The following PCDH11X variants were observed in gnomAD, a reference collection of about 807,000 sequenced individuals.
PCDH11X encodes the protein protocadherin-11 X-linked.
In PCDH11X, 18 loss-of-function variants were observed where a neutral mutation model predicts 53.3. The observed-to-expected ratio is 0.34, with a 90% CI of 0.23 to 0.50. The LOEUF is 0.50. PCDH11X is among the 20% of genes least tolerant of loss of function. The pLI is 0.98. For synonymous variants in PCDH11X, 279 were observed against 393.3 expected (o/e 0.71, Z 3.44); for missense variants, 570 against 1,032.4 (o/e 0.55, Z 6.14).
At chrX:92,060,908 A>ATTT (rs2063514727) in intron 6 of PCDH11X, among the ~76,000 whole-genome samples, 1 of 111,946 alleles carries the variant, frequency 8.9e-6, no homozygotes, top group African/African-American at 3.2e-5. Flanking sequence ...TCGCCAAACC[A>ATTT]CTTTCCAAAA....
chrX:92,536,573 A>T (rs181450503), intron 10 of PCDH11X, among the ~76,000 whole-genome samples: 1,933 of 109,063 alleles, frequency 0.018, 53 homozygotes, highest in African/African-American at 0.061. Flanking sequence ...TTTTCATCTT[A>T]ACCACCAACA....
At chrX:92,144,105 C>T (rs1351043120) in intron 6 of PCDH11X, among the ~76,000 whole-genome samples, 1 of 111,490 alleles carries the variant, frequency 9.0e-6, no homozygotes, top group Non-Finnish European at 1.9e-5. Flanking sequence ...ACCTGAACCC[C>T]CATTGTATCT....
chrX:92,326,839 G>C (rs1490625633), intron 8 of PCDH11X, among the ~76,000 whole-genome samples: 1 of 104,179 alleles, frequency 9.6e-6, no homozygotes, highest in Non-Finnish European at 1.9e-5. Flanking sequence ...TGAAGAGTTA[G>C]AATCTCTTTA....
chrX:92,313,702 A>G (rs1192017063), intron 8 of PCDH11X, among the ~76,000 whole-genome samples: 1 of 110,780 alleles, frequency 9.0e-6, no homozygotes, highest in African/African-American at 3.3e-5. Flanking sequence ...AGCTTACTAC[A>G]CACCTAAGCT....
intron 8 of PCDH11X, among the ~76,000 whole-genome samples, chrX:92,330,285 A>C (rs964576218): frequency 9.0e-6 from 1 of 111,697 alleles, no homozygotes; most frequent in Non-Finnish European, 1.9e-5. Flanking sequence ...AAAAATGGTA[A>C]AAGAACTGTG....
intron 8 of PCDH11X, among the ~76,000 whole-genome samples, chrX:92,351,734 A>G (rs2070056219): frequency 9.0e-6 from 1 of 111,713 alleles, no homozygotes; most frequent in Non-Finnish European, 1.9e-5. Flanking sequence ...TCTACTGTGT[A>G]TGATTCATCC....
chrX:92,484,074 T>C (rs1286423751), intron 10 of PCDH11X, among the ~76,000 whole-genome samples: 1 of 90,812 alleles, frequency 1.1e-5, no homozygotes, highest in African/African-American at 3.9e-5. Flanking sequence ...AATGAGTGAA[T>C]AAAGAAAATC....
chrX:92,487,048 C>CTTTTT lies in PCDH11X; in HGVS notation c.3367+18744_3367+18748dup, dbSNP rs758641899. Among the ~76,000 whole-genome samples, 106 of 67,805 alleles carry CTTTTT rather than the reference C, an allele frequency of 1.6e-3. 4 individuals carry two copies. Among genetic ancestry groups the CTTTTT allele is most frequent in the Middle Eastern group, 0.018 (2 of 113 alleles). The allele number at this position is 67,805 out of a possible 115,157, so 58.9% of individuals were successfully genotyped here. ...TTATTATCTCTGAGAAATATGCTTC[C>CTTTTT]TTTTTTTTTTTTTTTTTTTTTTGAG... On this transcript the variant is annotated intron_variant, in intron 10 of 10. Coordinates refer to ENST00000682573, the MANE Select transcript of PCDH11X (RefSeq NM_032968.5).
intron 6 of PCDH11X, among the ~76,000 whole-genome samples, chrX:92,018,954 AT>A (rs2147995238): frequency 8.9e-6 from 1 of 112,315 alleles, no homozygotes; most frequent in African/African-American, 3.2e-5. Flanking sequence ...TTTTTTTAAC[AT>A]TTTTAAGTGT....
intron 6 of PCDH11X, among the ~76,000 whole-genome samples, chrX:92,012,734 C>A (rs949865955): frequency 1.8e-5 from 2 of 111,259 alleles, no homozygotes; most frequent in African/African-American, 6.5e-5. Flanking sequence ...TGTAAAAATA[C>A]TATGGAAGCA....
intron 6 of PCDH11X, among the ~76,000 whole-genome samples, chrX:92,132,649 A>ATATATG (rs2065007459): frequency 1.2e-4 from 7 of 58,676 alleles, no homozygotes; most frequent in Admixed American, 5.6e-4. Context: ...ATATATATAT[A>ATATATG]TATATATGTA....
intron 8 of PCDH11X, among the ~76,000 whole-genome samples, chrX:92,272,127 C>CT (rs2067974467): frequency 9.0e-6 from 1 of 111,387 alleles, no homozygotes; most frequent in Admixed American, 9.6e-5. Flanking sequence ...TAGATGTCTG[C>CT]TTTTTTTATC....
In PCDH11X at chrX:92,619,308, G is replaced by T. The variant is rs769943731; in HGVS notation, c.*368G>T. The T allele has an allele frequency of 2.4e-3, 545 of 224,211 alleles. 5 individuals are homozygous for T. Among genetic ancestry groups the T allele is most frequent in the African/African-American group, 0.015 (522 of 33,810 alleles). The allele number at this position is 224,211 out of a possible 1,213,427, so 18.5% of individuals were successfully genotyped here. A position where few individuals can be genotyped will look rare whatever the true frequency, so the allele number is the denominator to read the frequency against. ...GGAACCAGTATGTAGCAAATGGAAA[G>T]CCTAGAAATATCTTATTTTCTAAGT... On this transcript the variant is annotated 3_prime_UTR_variant, in exon 11 of 11. Transcript: ENST00000682573.
chrX:92,058,919 A>G (rs1014507686), intron 6 of PCDH11X, among the ~76,000 whole-genome samples: 6 of 111,076 alleles, frequency 5.4e-5, no homozygotes, highest in Non-Finnish European at 1.1e-4. Context: ...TCTCTTGTCA[A>G]TGGTTTACAC....
At chrX:92,386,205 A>G (rs1478786572) in intron 8 of PCDH11X, among the ~76,000 whole-genome samples, 1 of 110,954 alleles carries the variant, frequency 9.0e-6, no homozygotes, top group Non-Finnish European at 1.9e-5. Context: ...TATTTTATGC[A>G]TCTATTATAT....
chrX:91,836,711 A>G (rs1937315732), intron 5 of PCDH11X, among the ~76,000 whole-genome samples: 1 of 111,209 alleles, frequency 9.0e-6, no homozygotes, highest in South Asian at 3.8e-4. Flanking sequence ...AAGGGTAAGT[A>G]AGCCTTTTAA....
intron 10 of PCDH11X, among the ~76,000 whole-genome samples, chrX:92,610,626 T>C (rs1927270407): frequency 9.0e-6 from 1 of 111,178 alleles, no homozygotes; most frequent in Admixed American, 9.6e-5. Flanking sequence ...ATTTTTGTTT[T>C]TGTTGCAATT....
intron 7 of PCDH11X, among the ~76,000 whole-genome samples, chrX:92,229,406 G>A (rs1032689916): frequency 7.2e-5 from 8 of 111,065 alleles, no homozygotes; most frequent in African/African-American, 2.6e-4. Flanking sequence ...ATTGAGTGGT[G>A]GGATTGCTTG....
At chrX:91,960,178 A>G (rs1428116909) in intron 6 of PCDH11X, among the ~76,000 whole-genome samples, 1 of 101,073 alleles carries the variant, frequency 9.9e-6, no homozygotes, top group Non-Finnish European at 2.0e-5. Flanking sequence ...TATTTTAGAT[A>G]TTAACCCCCT....
Sources: gnomAD v4.1 joint callset for allele counts (sites outside exome capture counted in the v4.1 genomes callset) on GRCh38, gnomAD v4.1.1 for gene constraint, MANE v1.5 for transcripts, NCBI Gene and HGNC (gene_info 2026-07-23, HGNC 2026-07-21) for gene names.